CYTH3: variants seen among roughly 807,000 people sequenced by gnomAD.
CYTH3 encodes the protein cytohesin-3.
In CYTH3, 23 loss-of-function variants were observed where a neutral mutation model predicts 55.1. The observed-to-expected ratio is 0.42, with a 90% CI of 0.30 to 0.59. The LOEUF (loss-of-function observed/expected upper bound fraction) is 0.59, where lower values mean the gene tolerates loss of function less well. Ranked by LOEUF, CYTH3 falls within the 20% of genes least tolerant of loss-of-function variation. CYTH3 has a pLI of 0.20. For missense variants in CYTH3, 413 were observed against 524.8 expected (o/e 0.79, Z 2.08); for synonymous variants, 249 against 194.9 (o/e 1.28, Z -2.31).
intron 6 of CYTH3, chr7:6,172,939 C>T (rs753130479): frequency 1.7e-5 from 19 of 1,149,942 alleles, no homozygotes; most frequent in Admixed American, 3.6e-5. Flanking sequence ...AAACAGTCCA[C>T]GTAAACGAGA....
chr7:6,182,410 G>A (rs1783527436), intron 4 of CYTH3, among the ~76,000 whole-genome samples: 1 of 152,194 alleles, frequency 6.6e-6, no homozygotes, highest in South Asian at 2.1e-4. Context: ...GTGCAGTGGT[G>A]TAATCACAGC....
At position 6,170,830 on chromosome 7, in the gene CYTH3, C is replaced by G; in HGVS notation, c.711G>C (p.Arg237Ser). ...AGCGGCCGCGGGCCGGGGAGCTCAC[C>G]CTCAGCAGCTCCTCAGGGAGGTCCC... is the stretch of plus-strand genomic sequence containing the variant. The part of the protein sequence containing the change: ...EGGDLPEELL[R>S]NLYESIKNEP... Residue 237 changes from arginine (R) to serine (S), a missense_variant and splice_region_variant, in exon 8 of 13, where the codon AGG becomes AGC. By Grantham distance (110) the Arg-to-Ser change is moderately radical (BLOSUM62 -1). Transcript: ENST00000350796. This position sits in a 1 kb window ranked among gnomAD's most constrained non-coding sequence, Gnocchi z 7.8. The G allele has an allele frequency of 6.2e-7, 1 of 1,610,648 alleles. No individual in the cohort carries two copies. The highest frequency in any genetic ancestry group is 8.5e-7 in the Non-Finnish European group (1 of 1,178,522).
intron 12 of CYTH3, 74 bp downstream of exon 12, chr7:6,165,199 T>C (rs1028537356): frequency 9.6e-6 from 15 of 1,564,932 alleles, no homozygotes; most frequent in East Asian, 2.2e-5. Flanking sequence ...GAAGCATCCA[T>C]GTTCCAGACC....
intron 1 of CYTH3, among the ~76,000 whole-genome samples, chr7:6,233,684 ATG>A (rs1412922673): frequency 2.6e-5 from 4 of 151,788 alleles, no homozygotes; most frequent in African/African-American, 9.7e-5. Flanking sequence ...AATTCAGTAA[ATG>A]TGTCTCTTCA....
rs140888764 is a variant in CYTH3, at chr7:6,259,830, ATAT to A, written c.34+12641_34+12643del. Among the ~76,000 whole-genome samples the A allele has an allele frequency of 3.3e-3, 66 of 20,242 alleles. 5 individuals carry two copies. In the East Asian group the frequency reaches 0.034, roughly 10 times the overall value. 13.3% of individuals were successfully genotyped at this position (20,242 alleles called of 152,430 possible). A position where few individuals can be genotyped will look rare whatever the true frequency, so the allele number is the denominator to read the frequency against. On this transcript the variant is annotated intron_variant, in intron 1 of 12. Coordinates refer to ENST00000350796, the MANE Select transcript of CYTH3 (RefSeq NM_004227.4). ...ATATATATAATATATATATATATAT[ATAT>A]TTTTTTTTTTTTTTAAGACGGATTT...
chr7:6,210,099 T>C (rs1784291227), intron 1 of CYTH3, among the ~76,000 whole-genome samples: 1 of 152,184 alleles, frequency 6.6e-6, no homozygotes, highest in Non-Finnish European at 1.5e-5. Context: ...TTGTAAACCA[T>C]AAACTTCAGT....
At chr7:6,254,565 C>T (rs1780053621) in intron 1 of CYTH3, among the ~76,000 whole-genome samples, 1 of 152,252 alleles carries the variant, frequency 6.6e-6, no homozygotes, top group Non-Finnish European at 1.5e-5. Flanking sequence ...TCTCATGCCT[C>T]AGCCTCCCAA....
Position 6,259,784 on chromosome 7 carries a change from AATATATAT to A in CYTH3, c.34+12682_34+12689del, listed in dbSNP as rs71523777. On this transcript the variant is annotated intron_variant, in intron 1 of 12. Coordinates refer to ENST00000350796, the MANE Select transcript of CYTH3 (RefSeq NM_004227.4). ...ATATATATATATATTATATATATAT[AATATATAT>A]ATATATATATATATATATATAATAT... Among the ~76,000 whole-genome samples, 868 of 20,872 alleles carry A rather than the reference AATATATAT, an allele frequency of 0.042. 133 individuals carry two copies. The East Asian group carries it at 0.44, about 10-fold the overall frequency. The allele number at this position is 20,872 out of a possible 152,430, so 13.7% of individuals were successfully genotyped here.
chr7:6,201,006 T>C (rs991110177), intron 1 of CYTH3, among the ~76,000 whole-genome samples: 3 of 152,194 alleles, frequency 2.0e-5, no homozygotes, highest in African/African-American at 7.2e-5. Flanking sequence ...AGTAATCCTC[T>C]ACTTCGGCCT....
intron 4 of CYTH3, among the ~76,000 whole-genome samples, chr7:6,183,657 T>C (rs1783560780): frequency 6.6e-6 from 1 of 152,300 alleles, no homozygotes. Flanking sequence ...AATAGGGGCA[T>C]GGGGAGGTAG....
intron 1 of CYTH3, among the ~76,000 whole-genome samples, chr7:6,229,765 T>C (rs1409453127): frequency 7.1e-4 from 106 of 148,310 alleles, no homozygotes; most frequent in Non-Finnish European, 3.0e-5. Context: ...TGCCATGAGC[T>C]GAGATCACAC....
intron 1 of CYTH3, among the ~76,000 whole-genome samples, chr7:6,248,791 C>G (rs1238763831): frequency 6.6e-6 from 1 of 152,180 alleles, no homozygotes; most frequent in African/African-American, 2.4e-5. Flanking sequence ...TGAGTCAGGC[C>G]CTGGTATTTC....
chr7:6,226,910 C>T (rs1228360202), intron 1 of CYTH3, among the ~76,000 whole-genome samples: 1 of 152,104 alleles, frequency 6.6e-6, no homozygotes, highest in Non-Finnish European at 1.5e-5. Context: ...GAAACCCCGT[C>T]TCTACTAAAA....
At chr7:6,201,114 G>C (rs1056122628) in intron 1 of CYTH3, among the ~76,000 whole-genome samples, 1 of 152,182 alleles carries the variant, frequency 6.6e-6, no homozygotes, top group Non-Finnish European at 1.5e-5. Context: ...ATGATGACAC[G>C]CAGAACAAAA....
At chr7:6,219,847 G>C (rs1784513308) in intron 1 of CYTH3, among the ~76,000 whole-genome samples, 1 of 151,978 alleles carries the variant, frequency 6.6e-6, no homozygotes, top group South Asian at 2.1e-4. Context: ...AAAGGAATCA[G>C]AATAGCTGGA....
In CYTH3 at chr7:6,178,477, G is replaced by A. The variant is rs571775928; in HGVS notation, c.250-536C>T. Among the ~76,000 whole-genome samples, 6 of 152,328 alleles carry A rather than the reference G, an allele frequency of 3.9e-5. No homozygotes were observed. In the East Asian group the frequency reaches 1.2e-3, roughly 29 times the overall value. On this transcript the variant is annotated intron_variant, in intron 4 of 12. Transcript: ENST00000350796. ...GCCAGACAGAAAGGCAAGCCTGGAG[G>A]GAAAGTTTTTGATTTCCTGGTAAAA...
rs1238013903 is a variant in CYTH3, at chr7:6,259,793, ATAT to A, written c.34+12678_34+12680del. 4.3e-4 allele frequency among the ~76,000 whole-genome samples: 6 copies of A among 14,110 alleles called. 1 individual carries two copies. Among genetic ancestry groups the A allele is most frequent in the African/African-American group, 1.5e-3 (1 of 648 alleles). The allele number at this position is 14,110 out of a possible 152,430, so 9.3% of individuals were successfully genotyped here. On this transcript the variant is annotated intron_variant, in intron 1 of 12. Coordinates refer to ENST00000350796, the MANE Select transcript of CYTH3 (RefSeq NM_004227.4). ...TATATTATATATATATAATATATAT[ATAT>A]ATATATATATATATATAATATATAT...
chr7:6,185,423 CACT>C (rs1317364451), intron 4 of CYTH3, among the ~76,000 whole-genome samples: 35 of 151,162 alleles, frequency 2.3e-4, no homozygotes, highest in East Asian at 1.2e-3. Flanking sequence ...GGGCCGGGTG[CACT>C]GGGCTCACGC....
chr7:6,165,876 G>A (rs1351990046), intron 9 of CYTH3, 66 bp from the exon 10 acceptor site: 43 of 1,507,042 alleles, frequency 2.9e-5, no homozygotes, highest in Non-Finnish European at 3.9e-5. Flanking sequence ...CCAAGAGGGG[G>A]CCCTGGACCT....
Sources: allele counts gnomAD v4.1 joint callset (sites outside exome capture counted in the v4.1 genomes callset), GRCh38; gene constraint gnomAD v4.1.1; non-coding constraint Gnocchi (gnomAD v3.1); transcripts MANE v1.5; gene names NCBI Gene and HGNC (gene_info 2026-07-23, HGNC 2026-07-21).